Variants in RASGEF1C observed in about 807,000 individuals in gnomAD.
The protein encoded by RASGEF1C is RasGEF domain family member 1C, also known as ras-GEF domain-containing family member 1C.
RASGEF1C carries 27 observed loss-of-function variants against 58.1 expected under a neutral mutation model. The ratio of observed to expected loss-of-function variants is 0.46; its 90% CI spans 0.34 to 0.64. The LOEUF is 0.64. RASGEF1C is among the 30% of genes least tolerant of loss of function. RASGEF1C has a pLI of 0.01. For missense variants in RASGEF1C, 502 were observed against 605.1 expected, an observed-to-expected ratio of 0.83 and a Z score of 1.79; for synonymous variants, 243 against 246.3, an observed-to-expected ratio of 0.99 and a Z score of 0.13.
intron 1 of RASGEF1C, among the ~76,000 whole-genome samples, chr5:180,145,406 C>T (rs998310267): frequency 6.6e-5 from 10 of 152,198 alleles, no homozygotes; most frequent in Admixed American, 5.2e-4. Context: ...CAGGCGTGAG[C>T]CACCGTGCCC....
At chr5:180,180,464 C>T (rs541117703) in intron 1 of RASGEF1C, among the ~76,000 whole-genome samples, 1 of 152,356 alleles carries the variant, frequency 6.6e-6, no homozygotes, top group East Asian at 1.9e-4. Context: ...CTGACATGTG[C>T]ACAGTACTTA....
intron 1 of RASGEF1C, among the ~76,000 whole-genome samples, chr5:180,146,490 AT>A (rs750271708): frequency 6.6e-6 from 1 of 150,470 alleles, no homozygotes; most frequent in Non-Finnish European, 1.5e-5. Context: ...GTTTCCTTCT[AT>A]TCCAGTTTTT....
chr5:180,158,593 A>G lies in RASGEF1C; in HGVS notation c.-6-20535T>C, dbSNP rs1011767941. Among the ~76,000 whole-genome samples, 1 of 152,196 alleles carries G rather than the reference A, an allele frequency of 6.6e-6. No individual in the cohort carries two copies. The highest frequency in any genetic ancestry group is 1.5e-5 in the Non-Finnish European group (1 of 68,038). ...CTTTGTTCCCGTAGGGTGACCTGTC[A>G]TGCTGGTTTGCCTGGGACTGTCCTA... On this transcript the variant is annotated intron_variant, in intron 1 of 13. Transcript: ENST00000361132. This position sits in a 1 kb window ranked among gnomAD's most constrained non-coding sequence, Gnocchi z 4.0.
intron 1 of RASGEF1C, among the ~76,000 whole-genome samples, chr5:180,142,432 A>G (rs939392995): frequency 2.6e-5 from 4 of 152,200 alleles, no homozygotes; most frequent in African/African-American, 7.2e-5. Flanking sequence ...GTTATGTTCT[A>G]TAGCGTCCTT....
At chr5:180,108,271 G>A (rs1453624118) in intron 12 of RASGEF1C, among the ~76,000 whole-genome samples, 3 of 148,900 alleles carry the variant, frequency 2.0e-5, no homozygotes, top group South Asian at 2.1e-4. Flanking sequence ...GTGCGATCTC[G>A]GCTCACTGTA....
In RASGEF1C at chr5:180,186,654, T is replaced by A. The variant is rs188054525; in HGVS notation, c.-7+22374A>T. The stretch of plus-strand genomic sequence containing the variant: ...AATCTCTAGCAAAATTCCAACAGCC[T>A]TTTTTTTCAGAAATCAAAATACCCA... On this transcript the variant is annotated intron_variant, in intron 1 of 13. Coordinates refer to ENST00000361132, the MANE Select transcript of RASGEF1C (RefSeq NM_175062.4). Among the ~76,000 whole-genome samples, 218 of 152,014 alleles carry A rather than the reference T, an allele frequency of 1.4e-3. 1 individual carries two copies. The highest frequency in any genetic ancestry group is 5.1e-3 in the African/African-American group (213 of 41,482).
At chr5:180,136,039 G>A (rs1156819391) in intron 4 of RASGEF1C, among the ~76,000 whole-genome samples, 1 of 152,192 alleles carries the variant, frequency 6.6e-6, no homozygotes, top group African/African-American at 2.4e-5. Context: ...GAGGGGGTAG[G>A]TCTCCGTGGC....
intron 3 of RASGEF1C, chr5:180,136,768 C>G (rs1766486463): frequency 2.0e-6 from 1 of 504,362 alleles, no homozygotes; most frequent in African/African-American, 2.0e-5. Flanking sequence ...CCTGGTGAGT[C>G]TTCGCGCTGC....
At chr5:180,120,097 G>A (rs897986245) in intron 7 of RASGEF1C, among the ~76,000 whole-genome samples, 4 of 152,170 alleles carry the variant, frequency 2.6e-5, no homozygotes, top group Non-Finnish European at 4.4e-5. Context: ...TGGGGCCCGC[G>A]TTGCATTCTT....
intron 6 of RASGEF1C, among the ~76,000 whole-genome samples, chr5:180,121,681 A>ACCCC (rs1230111122): frequency 5.4e-5 from 4 of 73,468 alleles, no homozygotes; most frequent in African/African-American, 1.4e-4. Context: ...ACACACACAC[A>ACCCC]CCCTCATTAT....
chr5:180,191,791 G>A (rs1237815405), intron 1 of RASGEF1C, among the ~76,000 whole-genome samples: 3 of 152,212 alleles, frequency 2.0e-5, no homozygotes, highest in Non-Finnish European at 4.4e-5. Context: ...CAACATAAAT[G>A]TACCATCTCC....
At chr5:180,175,534 G>A (rs1323374041) in intron 1 of RASGEF1C, among the ~76,000 whole-genome samples, 1 of 152,186 alleles carries the variant, frequency 6.6e-6, no homozygotes, top group Non-Finnish European at 1.5e-5. Flanking sequence ...GCATTTCGGT[G>A]CTTGTTGAAG....
rs1766502164 is a variant in RASGEF1C, at chr5:180,137,481, G to T, written c.300+109C>A. 3 of 1,465,896 alleles carry T rather than the reference G, an allele frequency of 2.0e-6. No homozygotes were observed. The highest frequency in any genetic ancestry group is 1.8e-6 in the Non-Finnish European group (2 of 1,082,370). The allele number at this position is 1,465,896 out of a possible 1,614,324, so 90.8% of individuals were successfully genotyped here. A position where few individuals can be genotyped will look rare whatever the true frequency, so the allele number is the denominator to read the frequency against. ...GGTGGAAACACCCGGTAGCCACCTT[G>T]TCAGGAAAACGGGGACAATCATTGC... On this transcript the variant is annotated intron_variant, in intron 3 of 13. Transcript: ENST00000361132. This position sits in a 1 kb window ranked among gnomAD's most constrained non-coding sequence, Gnocchi z 4.1.
At chr5:180,188,789 G>C (rs573208690) in intron 1 of RASGEF1C, among the ~76,000 whole-genome samples, 47 of 152,248 alleles carry the variant, frequency 3.1e-4, no homozygotes, top group African/African-American at 1.1e-3. Flanking sequence ...CAGGTACTGA[G>C]CATAGTACCC....
In RASGEF1C at chr5:180,177,195, G is replaced by A. The variant is rs182321299; in HGVS notation, c.-7+31833C>T. Among the ~76,000 whole-genome samples the A allele has an allele frequency of 2.2e-4, 33 of 152,280 alleles. No homozygotes were observed. Among genetic ancestry groups the A allele is most frequent in the Middle Eastern group, 6.8e-3 (2 of 294 alleles). On this transcript the variant is annotated intron_variant, in intron 1 of 13. Transcript: ENST00000361132. This position sits in a 1 kb window ranked among gnomAD's most constrained non-coding sequence, Gnocchi z 5.0. ...GGCTGGCTGGGCTACTTCCAGAAAC[G>A]TCCAGCCGAGTAGAGGATGCATTCA...
At chr5:180,205,375 CA>C (rs1756469575) in intron 1 of RASGEF1C, among the ~76,000 whole-genome samples, 1 of 152,024 alleles carries the variant, frequency 6.6e-6, no homozygotes, top group Admixed American at 6.6e-5. Flanking sequence ...GAATAAACTT[CA>C]TAAGAAATAG....
rs1342321313 is a variant in RASGEF1C at position 180,112,926 on chromosome 5, C to A, written c.1180-1346G>T. ...GGGACCGTGGATGGACAGAGGGATC[C>A]GGGATGGACGGAGGGACCGGGGATG... On this transcript the variant is annotated intron_variant, in intron 11 of 13. Coordinates refer to ENST00000361132, the MANE Select transcript of RASGEF1C (RefSeq NM_175062.4). Among the ~76,000 whole-genome samples the A allele has an allele frequency of 2.0e-4, 10 of 50,136 alleles. No homozygotes were observed. In the East Asian group the frequency reaches 2.8e-3, roughly 14 times the overall value. 32.9% of individuals were successfully genotyped at this position (50,136 alleles called of 152,430 possible).
chr5:180,136,332 G>A, intron 4 of RASGEF1C, 46 bp downstream of exon 4: 1 of 1,529,852 alleles, frequency 6.5e-7, no homozygotes, highest in Non-Finnish European at 8.8e-7. Flanking sequence ...CGCAGGCCTG[G>A]GACGGGAGGG....
intron 1 of RASGEF1C, among the ~76,000 whole-genome samples, chr5:180,142,929 C>CT (rs2113283844): frequency 6.6e-6 from 1 of 152,268 alleles, no homozygotes; most frequent in Admixed American, 6.5e-5. Context: ...TGACAGGACA[C>CT]TGAGAGGAAA....
Sources: gnomAD v4.1 joint callset for allele counts (sites outside exome capture counted in the v4.1 genomes callset) on GRCh38, gnomAD v4.1.1 for gene constraint, Gnocchi (gnomAD v3.1) non-coding constraint, MANE v1.5 for transcripts, NCBI Gene and HGNC (gene_info 2026-07-23, HGNC 2026-07-21) for gene names.